RANBP2: variants seen among roughly 807,000 people sequenced by gnomAD.
The protein encoded by RANBP2 is RAN binding protein 2, also known as E3 SUMO-protein ligase RanBP2.
RANBP2 carries 57 observed loss-of-function variants against 303.6 expected under a neutral mutation model. That is an observed-to-expected ratio of 0.19 (90% CI 0.15 to 0.23). RANBP2 has a LOEUF of 0.23. Ranked by LOEUF, RANBP2 falls within the 10% of genes least tolerant of loss-of-function variation. RANBP2 has a pLI of 1.00. For synonymous variants in RANBP2, 1,167 were observed against 1,301.5 expected, an observed-to-expected ratio of 0.90 and a Z score of 2.23; for missense variants, 3,138 against 3,780.8, an observed-to-expected ratio of 0.83 and a Z score of 4.46.
At chr2:108,992,732 A>G in the RANBP2 span, among the ~76,000 whole-genome samples, 1 of 152,258 alleles carries the variant, frequency 6.6e-6, no homozygotes, top group Non-Finnish European at 1.5e-5. Flanking sequence ...TCAGAATAAA[A>G]TGATCACAGT....
At position 108,765,085 on chromosome 2, in the gene RANBP2, C is replaced by T; in HGVS notation, c.4546C>T (p.Pro1516Ser). 1 of 1,613,796 alleles carries T rather than the reference C, an allele frequency of 6.2e-7. No homozygotes were observed. The highest frequency in any genetic ancestry group is 8.5e-7 in the Non-Finnish European group (1 of 1,179,912). The change falls in exon 20 of 29, where the codon CCA becomes TCA. Residue 1516 changes from proline to serine, a missense_variant. Transcript: ENST00000283195. ...RKQSLPATSI[P>S]TPASFKFGTS... ...ACAGAGTCTACCTGCTACTTCTATT[C>T]CAACACCTGCCTCTTTTAAGTTTGG...
the RANBP2 span, among the ~76,000 whole-genome samples, chr2:109,036,362 C>A: frequency 1.3e-5 from 2 of 152,020 alleles, no homozygotes. Flanking sequence ...ACCCTGATAC[C>A]AAAATCAGGA....
At chr2:109,156,592 T>G in the RANBP2 span, among the ~76,000 whole-genome samples, 1 of 151,904 alleles carries the variant, frequency 6.6e-6, no homozygotes, top group African/African-American at 2.4e-5. Context: ...ATTACAGGTG[T>G]CCACCACTAC....
the RANBP2 span, among the ~76,000 whole-genome samples, chr2:109,592,638 G>C: frequency 6.6e-6 from 1 of 150,968 alleles, no homozygotes; most frequent in East Asian, 2.0e-4. Context: ...AAGTTAGCCG[G>C]ACGTGGTGGT....
At chr2:109,731,262 C>A in the RANBP2 span, among the ~76,000 whole-genome samples, 1 of 152,170 alleles carries the variant, frequency 6.6e-6, no homozygotes, top group Non-Finnish European at 1.5e-5. Context: ...AAAATTTAAA[C>A]TTTTGTGTAT....
chr2:109,542,893 A>T, the RANBP2 span: 1 of 152,574 alleles, frequency 6.6e-6, no homozygotes, highest in Non-Finnish European at 1.5e-5. Context: ...GAAAATACTC[A>T]TAAAATACCT....
At chr2:109,328,006 A>G in the RANBP2 span, among the ~76,000 whole-genome samples, 2 of 152,212 alleles carry the variant, frequency 1.3e-5, no homozygotes, top group Non-Finnish European at 2.9e-5. Flanking sequence ...TGCCAAGCTT[A>G]TTCCATATGT....
chr2:109,733,902 T>A, the RANBP2 span, among the ~76,000 whole-genome samples: 1 of 150,854 alleles, frequency 6.6e-6, no homozygotes, highest in Non-Finnish European at 1.5e-5. Context: ...CCGGGCGCAG[T>A]GTCTCATGCC....
chr2:109,565,892 C>A, the RANBP2 span: 1 of 1,529,056 alleles, frequency 6.5e-7, no homozygotes, highest in Non-Finnish European at 9.1e-7. Flanking sequence ...TCTTCTCATA[C>A]CACTGTGATA....
chr2:109,241,060 T>C, the RANBP2 span, among the ~76,000 whole-genome samples: 1 of 152,198 alleles, frequency 6.6e-6, no homozygotes, highest in Non-Finnish European at 1.5e-5. Flanking sequence ...TAAAAATATA[T>C]GTTTAAAATA....
chr2:109,430,734 G>T, the RANBP2 span, among the ~76,000 whole-genome samples: 1 of 152,176 alleles, frequency 6.6e-6, no homozygotes, highest in East Asian at 1.9e-4. Context: ...CCTAGACATA[G>T]CATTGAAACT....
At chr2:109,078,514 T>A in the RANBP2 span, among the ~76,000 whole-genome samples, 1 of 146,802 alleles carries the variant, frequency 6.8e-6, no homozygotes. Flanking sequence ...TGAGGTGAGG[T>A]GGGATGGGGG....
the RANBP2 span, among the ~76,000 whole-genome samples, chr2:109,222,329 C>T: frequency 2.0e-5 from 3 of 152,052 alleles, no homozygotes; most frequent in Admixed American, 2.0e-4. Flanking sequence ...TTTACAATAG[C>T]TAAAAGAGAT....
At chr2:108,787,198 A>T (rs1172978188), downstream of RANBP2, among the ~76,000 whole-genome samples, 5 of 152,152 alleles carry the variant, frequency 3.3e-5, no homozygotes, top group Non-Finnish European at 7.4e-5. Flanking sequence ...CAGTGATGTG[A>T]GTGGAGTTGT....
At chr2:108,948,981 C>T in the RANBP2 span, among the ~76,000 whole-genome samples, 2 of 152,094 alleles carry the variant, frequency 1.3e-5, no homozygotes, top group Admixed American at 6.6e-5. Context: ...TAGTTAAAAA[C>T]ACATACATGT....
At chr2:108,978,738 T>C in the RANBP2 span, among the ~76,000 whole-genome samples, 1 of 152,176 alleles carries the variant, frequency 6.6e-6, no homozygotes, top group South Asian at 2.1e-4. Context: ...CCCAACCCCG[T>C]GCAGGTTTTG....
At chr2:109,565,782 G>T in the RANBP2 span, 4 of 1,613,816 alleles carry the variant, frequency 2.5e-6, no homozygotes, top group Non-Finnish European at 3.4e-6. Flanking sequence ...CACCCCAAGG[G>T]TACTGGCGAG....
At chr2:109,735,537 A>T in the RANBP2 span, among the ~76,000 whole-genome samples, 1 of 152,148 alleles carries the variant, frequency 6.6e-6, no homozygotes, top group Non-Finnish European at 1.5e-5. Context: ...ATTTTAATAG[A>T]AAATGTGATC....
the RANBP2 span, chr2:109,432,480 G>A: frequency 2.5e-6 from 4 of 1,612,120 alleles, no homozygotes; most frequent in African/African-American, 5.3e-5. Context: ...CACTGACACT[G>A]GCCCCATGCT....
Sources: allele counts gnomAD v4.1 joint callset (sites outside exome capture counted in the v4.1 genomes callset), GRCh38; gene constraint gnomAD v4.1.1; transcripts MANE v1.5; gene names NCBI Gene and HGNC (gene_info 2026-07-23, HGNC 2026-07-21).